The following GALNT13 variants were observed in gnomAD, a reference collection of about 807,000 sequenced individuals.
The protein encoded by GALNT13 is UDP-GalNAc:polypeptide N-acetylgalactosaminyltransferase 13.
A neutral mutation model predicts 64.2 loss-of-function variants in GALNT13; 28 were observed. The observed-to-expected ratio is 0.44, with a 90% CI of 0.32 to 0.60. The LOEUF is 0.60. Ranked by LOEUF, GALNT13 falls within the 20% of genes least tolerant of loss-of-function variation. GALNT13 has a pLI of 0.05. For synonymous variants in GALNT13, 214 were observed against 224.6 expected, an observed-to-expected ratio of 0.95 and a Z score of 0.42; for missense variants, 577 against 669.8, an observed-to-expected ratio of 0.86 and a Z score of 1.53.
the GALNT13 span, among the ~76,000 whole-genome samples, chr2:153,826,082 C>T: frequency 6.6e-6 from 1 of 152,122 alleles, no homozygotes; most frequent in East Asian, 1.9e-4. Flanking sequence ...CCAACACTAC[C>T]CAATACATAA....
At chr2:153,562,042 T>TCTC in the GALNT13 span, among the ~76,000 whole-genome samples, 3 of 112,802 alleles carry the variant, frequency 2.7e-5, no homozygotes, top group East Asian at 3.6e-4. Flanking sequence ...CTCTCTCTCT[T>TCTC]TCTCTCTCTC....
chr2:154,007,918 T>C (rs1484320802), intron 3 of GALNT13, among the ~76,000 whole-genome samples: 2 of 149,386 alleles, frequency 1.3e-5, no homozygotes, highest in African/African-American at 2.4e-5. Context: ...AAATCTATCT[T>C]GTATTCAACG....
intron 3 of GALNT13, among the ~76,000 whole-genome samples, chr2:154,042,133 G>A (rs1265160687): frequency 4.3e-5 from 6 of 140,024 alleles, no homozygotes; most frequent in African/African-American, 1.5e-4. Flanking sequence ...TATATACTTA[G>A]TATAAAGAGC....
chr2:153,726,140 C>G, the GALNT13 span, among the ~76,000 whole-genome samples: 1 of 152,072 alleles, frequency 6.6e-6, no homozygotes, highest in East Asian at 1.9e-4. Flanking sequence ...TCTAGAGGTA[C>G]AAATACACAT....
At chr2:153,982,170 A>G (rs1463696617) in intron 3 of GALNT13, among the ~76,000 whole-genome samples, 2 of 152,106 alleles carry the variant, frequency 1.3e-5, no homozygotes, top group Non-Finnish European at 2.9e-5. Context: ...CAGTACCAAC[A>G]TTTATCATTT....
At chr2:153,658,572 A>C in the GALNT13 span, among the ~76,000 whole-genome samples, 1 of 152,132 alleles carries the variant, frequency 6.6e-6, no homozygotes, top group African/African-American at 2.4e-5. Flanking sequence ...AAGTACTTTT[A>C]TTTAGCATTT....
the GALNT13 span, among the ~76,000 whole-genome samples, chr2:153,235,300 A>C: frequency 3.4e-4 from 52 of 152,294 alleles, no homozygotes; most frequent in East Asian, 8.7e-3. Context: ...AGTGAGTCCA[A>C]AGTAAAAGTA....
chr2:153,690,205 T>G, the GALNT13 span, among the ~76,000 whole-genome samples: 2 of 152,264 alleles, frequency 1.3e-5, no homozygotes, highest in East Asian at 3.9e-4. Flanking sequence ...AATATATTAC[T>G]GAGATATTCT....
the GALNT13 span, among the ~76,000 whole-genome samples, chr2:153,194,048 T>A: frequency 6.6e-6 from 1 of 152,188 alleles, no homozygotes; most frequent in Non-Finnish European, 1.5e-5. Flanking sequence ...CTTTTGATAG[T>A]TTGACTATAA....
At chr2:153,637,475 T>G in the GALNT13 span, among the ~76,000 whole-genome samples, 11 of 152,252 alleles carry the variant, frequency 7.2e-5, no homozygotes, top group African/African-American at 2.6e-4. Context: ...CCTCTCTAGA[T>G]AGTAGGATAG....
chr2:153,335,143 A>T, the GALNT13 span, among the ~76,000 whole-genome samples: 3,003 of 152,256 alleles, frequency 0.02, 42 homozygotes, highest in Non-Finnish European at 0.032. Context: ...AGCCACATGG[A>T]ACTGTAAGTC....
chr2:153,794,895 G>A, the GALNT13 span, among the ~76,000 whole-genome samples: 3 of 152,144 alleles, frequency 2.0e-5, no homozygotes, highest in Admixed American at 6.5e-5. Flanking sequence ...AATGATAAAT[G>A]TGGTTAGAAG....
the GALNT13 span, among the ~76,000 whole-genome samples, chr2:153,827,802 G>A: frequency 6.6e-6 from 1 of 152,086 alleles, no homozygotes; most frequent in East Asian, 1.9e-4. Flanking sequence ...TCCAAAGTAA[G>A]TCTAATCTGA....
the GALNT13 span, among the ~76,000 whole-genome samples, chr2:153,227,365 T>A: frequency 6.6e-6 from 1 of 152,076 alleles, no homozygotes; most frequent in Non-Finnish European, 1.5e-5. Flanking sequence ...GGCAAGGAAG[T>A]CAATTGAGAT....
chr2:153,582,536 C>T, the GALNT13 span, among the ~76,000 whole-genome samples: 1 of 152,004 alleles, frequency 6.6e-6, no homozygotes, highest in African/African-American at 2.4e-5. Flanking sequence ...ATATATCTCT[C>T]CCATTTTAAT....
At chr2:153,754,170 C>G in the GALNT13 span, among the ~76,000 whole-genome samples, 1 of 152,132 alleles carries the variant, frequency 6.6e-6, no homozygotes, top group South Asian at 2.1e-4. Context: ...TCAGAGACCC[C>G]AAGAGCCCAC....
In GALNT13 at chr2:154,438,708, A is replaced by T; in HGVS notation, c.1512A>T (p.Leu504Phe). 6.2e-7 allele frequency: 1 copy of T among 1,609,828 alleles called. No individual in the cohort carries two copies. The highest frequency in any genetic ancestry group is 1.3e-5 in the African/African-American group (1 of 75,000). Reference protein sequence around the residue: ...LKCHHMRGNQLWEYDAERLTL... With the variant: ...LKCHHMRGNQFWEYDAERLTL... ...GCCACCATATGAGAGGAAATCAGTT[A>T]TGGGAATATGATGCTGAGGTATAGT... The change falls in exon 12 of 13, where the codon TTA becomes TTT. Residue 504 changes from leucine (L) to phenylalanine (F), a missense_variant. Leu to Phe is a conservative substitution (Grantham distance 22). This residue lies in a region of GALNT13 where 232 missense variants were observed against 270.6 expected (regional missense o/e 0.86). Transcript: ENST00000392825.
chr2:154,053,478 T>C (rs958991970), intron 3 of GALNT13, among the ~76,000 whole-genome samples: 4 of 152,116 alleles, frequency 2.6e-5, no homozygotes, highest in Non-Finnish European at 5.9e-5. Flanking sequence ...AAAACTTTTC[T>C]GGCCTGGATT....
intron 2 of GALNT13, among the ~76,000 whole-genome samples, chr2:153,910,452 A>G (rs548644371): frequency 6.6e-6 from 1 of 151,958 alleles, no homozygotes; most frequent in Admixed American, 6.6e-5. Context: ...AGCATTGATT[A>G]TGTTTGTTTC....
Sources: gnomAD v4.1 joint callset for allele counts (sites outside exome capture counted in the v4.1 genomes callset) on GRCh38, gnomAD v4.1.1 for gene constraint, gnomAD v4.1.1 regional missense constraint, MANE v1.5 for transcripts, NCBI Gene and HGNC (gene_info 2026-07-23, HGNC 2026-07-21) for gene names.